The following EPHX1 variants were observed in gnomAD, a reference collection of about 807,000 sequenced individuals.
EPHX1 encodes the protein epoxide hydrolase 1.
In EPHX1, 40 loss-of-function variants were observed where a neutral mutation model predicts 43.2. That is an observed-to-expected ratio of 0.93 (90% confidence interval 0.72 to 1.21). The LOEUF (loss-of-function observed/expected upper bound fraction) is 1.21. Ranked by LOEUF, EPHX1 falls within the 50% of genes most tolerant of loss-of-function variation. The pLI is 0.00. For synonymous variants in EPHX1, 221 were observed against 226.7 expected, an observed-to-expected ratio of 0.98 and a Z score of 0.22; for missense variants, 550 against 570.4, an observed-to-expected ratio of 0.96 and a Z score of 0.36.
chr1:225,813,041 G>A (rs1359817573), intron 1 of EPHX1, among the ~76,000 whole-genome samples: 1 of 152,244 alleles, frequency 6.6e-6, no homozygotes, highest in African/African-American at 2.4e-5. Context: ...TCTGTAAAAT[G>A]AGGTTAGGCT....
At chr1:225,816,147 G>A (rs181537355) in intron 1 of EPHX1, among the ~76,000 whole-genome samples, 127 of 152,248 alleles carry the variant, frequency 8.3e-4, no homozygotes, top group African/African-American at 2.9e-3. Context: ...AAAATCAGCC[G>A]GGCATGGTGG....
At position 225,838,969 on chromosome 1, in the gene EPHX1, G is replaced by T. The variant is rs1027812761; in HGVS notation, c.592+88G>T. 5 of 1,501,984 alleles carry T rather than the reference G, an allele frequency of 3.3e-6. No individual in the cohort carries two copies. The African/African-American group carries it at 4.1e-5, about 12-fold the overall frequency. The allele number at this position is 1,501,984 out of a possible 1,614,324, so 93.0% of individuals were successfully genotyped here. A position where few individuals can be genotyped will look rare whatever the true frequency, so the allele number is the denominator to read the frequency against. On this transcript the variant is annotated intron_variant, in intron 4 of 8. Coordinates refer to ENST00000272167, the MANE Select transcript of EPHX1 (RefSeq NM_001136018.4). ...CACCAGGCTCTCCTTCCGGCGGGGT[G>T]AGCAGGGAGTTGGCCCGAGGAAGCT...
chr1:225,839,114 C>G, intron 4 of EPHX1, 103 bp from the exon 5 acceptor site: 6 of 1,578,476 alleles, frequency 3.8e-6, no homozygotes, highest in Non-Finnish European at 5.2e-6. Flanking sequence ...CTGACCTCCA[C>G]CTGGGGGTAG....
chr1:225,842,240 T>C, intron 6 of EPHX1, 126 bp from the exon 7 acceptor site: 1 of 752,838 alleles, frequency 1.3e-6, no homozygotes. Context: ...AAGGCAGGCC[T>C]GTGCTCGAAC....
At chr1:225,842,311 C>G (rs543824417) in intron 6 of EPHX1, 55 bp from the exon 7 acceptor site, 3 of 1,334,902 alleles carry the variant, frequency 2.2e-6, no homozygotes, top group Non-Finnish European at 3.2e-6. Flanking sequence ...ACCTGAAGCT[C>G]CAGCTCTCTG....
rs555766791 is a variant in EPHX1, at chr1:225,845,086, T to C, written c.1167-60T>C. The C allele has an allele frequency of 3.1e-4, 481 of 1,571,722 alleles. 4 individuals are homozygous for C. The South Asian group carries it at 5.2e-3, about 17-fold the overall frequency. On this transcript the variant is annotated intron_variant, in intron 8 of 8. Transcript: ENST00000272167. ...CCCCAGGCGCTTTAACCCCCTGCTG[T>C]GCAGGACGGAGGGGCGCAGGGCCAC...
chr1:225,823,488 G>T (rs1575991703), intron 1 of EPHX1, among the ~76,000 whole-genome samples: 2 of 152,222 alleles, frequency 1.3e-5, no homozygotes, highest in African/African-American at 2.4e-5. Context: ...AGCTTCCCCA[G>T]ACTCAGTCAC....
At chr1:225,842,260 T>C in intron 6 of EPHX1, 106 bp from the exon 7 acceptor site, 4 of 873,314 alleles carry the variant, frequency 4.6e-6, no homozygotes, top group Admixed American at 1.9e-5. Flanking sequence ...CGTGGCTTCC[T>C]GCACACAGCC....
chr1:225,828,214 C>T (rs1409313337), intron 1 of EPHX1, among the ~76,000 whole-genome samples: 5 of 151,902 alleles, frequency 3.3e-5, no homozygotes, highest in African/African-American at 7.3e-5. Flanking sequence ...TGTGGTGGCA[C>T]GTGCCTGTAG....
intron 3 of EPHX1, among the ~76,000 whole-genome samples, chr1:225,835,361 G>C (rs1000109880): frequency 2.0e-5 from 3 of 150,284 alleles, no homozygotes; most frequent in African/African-American, 7.4e-5. Flanking sequence ...TGGGACCACA[G>C]GTATGCACCA....
intron 1 of EPHX1, chr1:225,825,543 A>G (rs1667190447): frequency 6.6e-6 from 1 of 152,236 alleles, no homozygotes; most frequent in African/African-American, 2.4e-5. Flanking sequence ...GCTGAGGTAC[A>G]GGTAAGGAGG....
In EPHX1 at chr1:225,839,886, G is replaced by A; in HGVS notation, c.780G>A (p.Leu260=). ...TGGTTTTAAGCAACTTCTCTACCCT[G>A]ACCCTCCTCCTGGGACAGCGTTTCG... The part of the protein sequence containing the change: ...MALVLSNFST[L]TLLLGQRFGR... Residue 260 remains leucine, a synonymous_variant, in exon 6 of 9, where the codon CTG becomes CTA. Transcript: ENST00000272167. The A allele has an allele frequency of 6.2e-7, 1 of 1,614,196 alleles. No homozygotes were observed.
In EPHX1 at chr1:225,831,546, CA is replaced by C. The variant is rs75126131; in HGVS notation, c.184-220del. ...TGGGCAACAGAGTGAGACCCTATCTCAAAAAAAAAAAAAGAAAAAAGAAAAA... is the reference window on the plus strand; with the variant it reads ...TGGGCAACAGAGTGAGACCCTATCTCAAAAAAAAAAAAGAAAAAAGAAAAA... On this transcript the variant is annotated intron_variant, in intron 2 of 8. Transcript: ENST00000272167. Among the ~76,000 whole-genome samples, 16,302 of 104,494 alleles carry C rather than the reference CA, an allele frequency of 0.16. 1,030 individuals carry two copies. The highest frequency in any genetic ancestry group is 0.21 in the East Asian group (733 of 3,462). The allele number at this position is 104,494 out of a possible 152,430, so 68.6% of individuals were successfully genotyped here.
In EPHX1 at chr1:225,842,246, CGAA is replaced by C. The variant is rs915285982; in HGVS notation, c.932-119_932-117del. 1.2e-5 allele frequency: 9 copies of C among 778,778 alleles called. No homozygotes were observed. The African/African-American group carries it at 1.2e-4, about 10-fold the overall frequency. The allele number at this position is 778,778 out of a possible 1,614,324, so 48.2% of individuals were successfully genotyped here. ...CCAGGAGTTAAGGCAGGCCTGTGCT[CGAA>C]CGTGGCTTCCTGCACACAGCCCCGC... is the stretch of plus-strand genomic sequence containing the variant. On this transcript the variant is annotated intron_variant, in intron 6 of 8. Transcript: ENST00000272167.
intron 3 of EPHX1, among the ~76,000 whole-genome samples, chr1:225,833,950 T>G (rs1349589365): frequency 6.8e-6 from 1 of 146,224 alleles, no homozygotes; most frequent in Non-Finnish European, 1.5e-5. Flanking sequence ...TACAAAAAAT[T>G]AGCCGGGCGT....
chr1:225,839,397 G>T (rs762870853), intron 5 of EPHX1, 51 bp downstream of exon 5: 174 of 1,596,304 alleles, frequency 1.1e-4, no homozygotes, highest in Non-Finnish European at 1.5e-4. Flanking sequence ...GTGTGTGTGT[G>T]TGTGTCCTCT....
chr1:225,830,244 G>C (rs1008561330), intron 2 of EPHX1, among the ~76,000 whole-genome samples: 9 of 152,160 alleles, frequency 5.9e-5, no homozygotes, highest in Middle Eastern at 6.3e-3. Context: ...TTGCTATTTA[G>C]GGCCAAGGCT....
chr1:225,841,789 A>T (rs1472394706), intron 6 of EPHX1, among the ~76,000 whole-genome samples: 1 of 151,652 alleles, frequency 6.6e-6, no homozygotes, highest in Non-Finnish European at 1.5e-5. Flanking sequence ...TTTTTAATAG[A>T]GATGGGGTTT....
chr1:225,815,163 G>A (rs1166514019), intron 1 of EPHX1, among the ~76,000 whole-genome samples: 1 of 84,600 alleles, frequency 1.2e-5, no homozygotes, highest in Non-Finnish European at 3.1e-5. Flanking sequence ...TTCCATGTGT[G>A]CCTCACTGAG....
Sources: allele counts gnomAD v4.1 joint callset (sites outside exome capture counted in the v4.1 genomes callset), GRCh38; gene constraint gnomAD v4.1.1; transcripts MANE v1.5; gene names NCBI Gene and HGNC (gene_info 2026-07-23, HGNC 2026-07-21).